Variants in CFAP58 observed in about 807,000 individuals in gnomAD.
CFAP58 encodes cilia and flagella associated protein 58, also known as cilia- and flagella-associated protein 58.
Under a neutral mutation model 119.5 loss-of-function variants are expected in CFAP58, and 88 were observed. The observed-to-expected ratio is 0.74, with a 90% CI of 0.62 to 0.88. CFAP58 has a LOEUF of 0.88. Ranked by LOEUF, CFAP58 falls within the 40% of genes least tolerant of loss-of-function variation. The pLI is 0.00. For missense variants in CFAP58, 990 were observed against 1,021.2 expected, an observed-to-expected ratio of 0.97 and a Z score of 0.42; for synonymous variants, 365 against 366.3, an observed-to-expected ratio of 1.00 and a Z score of 0.04.
At chr10:104,348,908 G>T (rs956295447), upstream of CFAP58, among the ~76,000 whole-genome samples, 2 of 152,046 alleles carry the variant, frequency 1.3e-5, no homozygotes, top group Admixed American at 1.3e-4. Flanking sequence ...ATGTTAGTTC[G>T]CTAGGGCTGT....
At chr10:104,393,864 C>T in intron 11 of CFAP58, among the ~76,000 whole-genome samples, 1 of 152,318 alleles carries the variant, frequency 6.6e-6, no homozygotes, top group East Asian at 1.9e-4. Flanking sequence ...TCACACCCAA[C>T]CCTCCCAAAC....
intron 15 of CFAP58, among the ~76,000 whole-genome samples, chr10:104,408,824 T>G (rs1275433482): frequency 2.0e-5 from 3 of 152,166 alleles, no homozygotes; most frequent in Non-Finnish European, 2.9e-5. Context: ...TAGGGTTGGG[T>G]GCAGTGGATC....
At chr10:104,434,089 A>G (rs1412432380) in intron 15 of CFAP58, among the ~76,000 whole-genome samples, 4 of 152,180 alleles carry the variant, frequency 2.6e-5, no homozygotes, top group Admixed American at 2.6e-4. Flanking sequence ...TGGGCAAATT[A>G]CTTAGCCTCA....
intron 9 of CFAP58, among the ~76,000 whole-genome samples, chr10:104,386,899 T>C (rs187246778): frequency 1.4e-3 from 213 of 152,336 alleles, no homozygotes; most frequent in South Asian, 8.3e-3. Flanking sequence ...TGAATTATCA[T>C]TGGCATTTTT....
intron 4 of CFAP58, among the ~76,000 whole-genome samples, chr10:104,365,274 CTT>C (rs2014726702): frequency 6.6e-6 from 1 of 152,132 alleles, no homozygotes; most frequent in Non-Finnish European, 1.5e-5. Context: ...CTTCTGAACA[CTT>C]TTACATAAAG....
chr10:104,422,927 G>A (rs950529936), intron 15 of CFAP58, among the ~76,000 whole-genome samples: 27 of 152,152 alleles, frequency 1.8e-4, no homozygotes, highest in African/African-American at 6.0e-4. Context: ...AGATTGAGTG[G>A]AGATACTTTG....
At chr10:104,386,153 G>A (rs2011918380) in intron 9 of CFAP58, among the ~76,000 whole-genome samples, 1 of 151,282 alleles carries the variant, frequency 6.6e-6, no homozygotes, top group Non-Finnish European at 1.5e-5. Context: ...CAAGGTGGGT[G>A]GATCACCTGA....
chr10:104,391,923 G>T (rs1407354549), intron 9 of CFAP58, among the ~76,000 whole-genome samples: 1 of 151,948 alleles, frequency 6.6e-6, no homozygotes, highest in Non-Finnish European at 1.5e-5. Context: ...CCCTTTTTTG[G>T]GGGTAGGGTG....
upstream of CFAP58, among the ~76,000 whole-genome samples, chr10:104,350,944 G>A (rs2014452468): frequency 6.6e-6 from 1 of 152,190 alleles, no homozygotes; most frequent in African/African-American, 2.4e-5. Flanking sequence ...AAGACACACA[G>A]CCCTGCACTT....
intron 15 of CFAP58, among the ~76,000 whole-genome samples, chr10:104,444,338 G>C (rs1187470319): frequency 6.6e-6 from 1 of 152,226 alleles, no homozygotes. Flanking sequence ...TAGTAAAGAA[G>C]GACAGGATAT....
At position 104,426,447 on chromosome 10, in the gene CFAP58, C is replaced by A. The variant is rs117846723; in HGVS notation, c.2256+19654C>A. Among the ~76,000 whole-genome samples, 1,365 of 151,362 alleles carry A rather than the reference C, an allele frequency of 9.0e-3. 13 individuals carry two copies. Among genetic ancestry groups the A allele is most frequent in the Non-Finnish European group, 0.012 (821 of 67,834 alleles). On this transcript the variant is annotated intron_variant, in intron 15 of 17. Transcript: ENST00000369704. ...CCTCCTTCCCCCCGCCGCCTTCCAT[C>A]ATCCTCTCTCCCTCCCCACTCCCCC...
chr10:104,367,335 A>G (rs987629988), intron 5 of CFAP58, among the ~76,000 whole-genome samples: 3 of 152,190 alleles, frequency 2.0e-5, no homozygotes, highest in Non-Finnish European at 4.4e-5. Flanking sequence ...ATATAATTGA[A>G]AAGTCTTTTC....
chr10:104,407,109 A>G (rs532617311), intron 15 of CFAP58, among the ~76,000 whole-genome samples: 15 of 152,342 alleles, frequency 9.8e-5, no homozygotes, highest in African/African-American at 3.6e-4. Flanking sequence ...TCATATCTTC[A>G]TATAATGCAA....
chr10:104,413,382 A>G (rs1456250482), intron 15 of CFAP58, among the ~76,000 whole-genome samples: 2 of 152,160 alleles, frequency 1.3e-5, no homozygotes, highest in African/African-American at 4.8e-5. Context: ...TAACGTGAAA[A>G]TGGTTCTTGA....
At chr10:104,390,955 T>C (rs985704111) in intron 9 of CFAP58, among the ~76,000 whole-genome samples, 3 of 152,302 alleles carry the variant, frequency 2.0e-5, no homozygotes, top group Middle Eastern at 3.4e-3. Context: ...CATCCCTCCT[T>C]AAGCACCTGT....
At chr10:104,416,332 A>G (rs1283040218) in intron 15 of CFAP58, among the ~76,000 whole-genome samples, 1 of 152,204 alleles carries the variant, frequency 6.6e-6, no homozygotes, top group Non-Finnish European at 1.5e-5. Flanking sequence ...GCATTCTTTT[A>G]CATTCACCTA....
intron 15 of CFAP58, among the ~76,000 whole-genome samples, chr10:104,429,321 G>A (rs1254039665): frequency 6.6e-5 from 10 of 152,132 alleles, no homozygotes; most frequent in Non-Finnish European, 1.5e-4. Context: ...TGGTGGCGAG[G>A]GCAGAGAGCA....
chr10:104,435,789 C>T lies in CFAP58; in HGVS notation c.2257-11909C>T, dbSNP rs778456660. On this transcript the variant is annotated intron_variant, in intron 15 of 17. Coordinates refer to ENST00000369704, the MANE Select transcript of CFAP58 (RefSeq NM_001008723.2). ...ATTATCACTGGTATGTAGATAAAGT[C>T]GAGATGTCTTATATAGATTCTTCTG... is the stretch of plus-strand genomic sequence containing the variant. Among the ~76,000 whole-genome samples, 15 of 152,136 alleles carry T rather than the reference C, an allele frequency of 9.9e-5. No homozygotes were observed. In the South Asian group the frequency reaches 1.2e-3, roughly 13 times the overall value.
At chr10:104,342,932 G>A in the CFAP58 span, among the ~76,000 whole-genome samples, 3,732 of 151,210 alleles carry the variant, frequency 0.025, 72 homozygotes, top group Non-Finnish European at 0.035. Flanking sequence ...ACGGTTAGGA[G>A]CACTGGAAAT....
Sources: gnomAD v4.1 joint callset for allele counts (sites outside exome capture counted in the v4.1 genomes callset) on GRCh38, gnomAD v4.1.1 for gene constraint, MANE v1.5 for transcripts, NCBI Gene and HGNC (gene_info 2026-07-23, HGNC 2026-07-21) for gene names.